The following PDE4D variants were observed in gnomAD, a reference collection of about 807,000 sequenced individuals.
PDE4D encodes the protein 3',5'-cyclic-AMP phosphodiesterase 4D.
PDE4D carries 24 observed loss-of-function variants against 87.4 expected under a neutral mutation model. The observed-to-expected ratio is 0.27, with a 90% CI of 0.20 to 0.39. PDE4D has a LOEUF of 0.39. Among genes scored for constraint, PDE4D ranks in the 10% least tolerant of loss-of-function variants. The pLI is 1.00. For synonymous variants in PDE4D, 384 were observed against 383.2 expected (o/e 1.00, Z -0.02); for missense variants, 714 against 1,041.0 (o/e 0.69, Z 4.32).
intron 1 of PDE4D, among the ~76,000 whole-genome samples, chr5:59,276,877 A>T (rs940356654): frequency 6.6e-6 from 1 of 152,108 alleles, no homozygotes; most frequent in Non-Finnish European, 1.5e-5. Flanking sequence ...CTATTACAGT[A>T]GATATAATCT....
chr5:59,547,548 T>A (rs902334483), intron 1 of PDE4D, among the ~76,000 whole-genome samples: 1 of 152,188 alleles, frequency 6.6e-6, no homozygotes, highest in African/African-American at 2.4e-5. Flanking sequence ...TTTTGACAGT[T>A]TTATCTCAGA....
At chr5:59,035,012 G>A (rs1045092744) in intron 6 of PDE4D, among the ~76,000 whole-genome samples, 5 of 152,222 alleles carry the variant, frequency 3.3e-5, no homozygotes, top group East Asian at 1.9e-4. Flanking sequence ...AGAGGATAAC[G>A]TTACAGGGTT....
chr5:59,638,572 C>T (rs1045265886), intron 1 of PDE4D, among the ~76,000 whole-genome samples: 22 of 152,120 alleles, frequency 1.4e-4, no homozygotes, highest in African/African-American at 4.8e-4. Context: ...GAGAGAGATA[C>T]GGAGCTTAAC....
intron 1 of PDE4D, among the ~76,000 whole-genome samples, chr5:59,498,120 T>G (rs1322044439): frequency 2.0e-5 from 3 of 151,660 alleles, no homozygotes; most frequent in African/African-American, 7.3e-5. Context: ...AGATAAGCAA[T>G]TGCTAAAAGA....
intron 1 of PDE4D, among the ~76,000 whole-genome samples, chr5:60,311,018 C>T (rs1242237200): frequency 2.9e-5 from 4 of 139,696 alleles, no homozygotes; most frequent in African/African-American, 5.4e-5. Flanking sequence ...TAAAATAAGT[C>T]TTTTTTTTTT....
chr5:59,502,462 T>C (rs893268972), intron 1 of PDE4D, among the ~76,000 whole-genome samples: 5 of 152,160 alleles, frequency 3.3e-5, no homozygotes, highest in Non-Finnish European at 5.9e-5. Flanking sequence ...TAGGAATTTC[T>C]TCCATATTCT....
At chr5:59,582,940 T>C (rs294495) in intron 1 of PDE4D, among the ~76,000 whole-genome samples, 120,708 of 152,098 alleles carry the variant, frequency 0.79, 48,014 homozygotes, top group South Asian at 0.89. Flanking sequence ...TCCCAAATCT[T>C]CCTCTGGTGT....
chr5:60,097,289 T>TGTGTGTGTGTGTGTGTGTGTGTC, intron 2 of PDE4D, among the ~76,000 whole-genome samples: 1 of 111,410 alleles, frequency 9.0e-6, no homozygotes, highest in South Asian at 3.3e-4. Flanking sequence ...GTGTGTGTGT[T>TGTGTGTGTGTGTGTGTGTGTGTC]TAACAAATAA....
Position 59,623,500 on chromosome 5 carries a change from T to G in PDE4D, c.455+269668A>C, listed in dbSNP as rs139361079. On this transcript the variant is annotated intron_variant, in intron 1 of 14. Transcript: ENST00000340635. ...TGCATCCCAGTGCTTGGAGCTCTGT[T>G]GTTCTGTTCCATCTCCGAGGCTTGA... Among the ~76,000 whole-genome samples, 578 of 152,322 alleles carry G rather than the reference T, an allele frequency of 3.8e-3. 6 individuals carry two copies. Among genetic ancestry groups the G allele is most frequent in the African/African-American group, 0.012 (513 of 41,574 alleles).
intron 2 of PDE4D, among the ~76,000 whole-genome samples, chr5:60,084,815 TG>T (rs1774355608): frequency 6.6e-6 from 1 of 152,180 alleles, no homozygotes. Context: ...ATTACTACTT[TG>T]AACTCCCCTA....
intron 1 of PDE4D, among the ~76,000 whole-genome samples, chr5:60,199,826 T>C (rs1302003249): frequency 6.6e-6 from 1 of 151,756 alleles, no homozygotes; most frequent in Non-Finnish European, 1.5e-5. Context: ...AAGATATTGT[T>C]ACAGATTATC....
At chr5:59,772,597 CT>C (rs1437813944) in intron 1 of PDE4D, among the ~76,000 whole-genome samples, 1 of 152,078 alleles carries the variant, frequency 6.6e-6, no homozygotes, top group Non-Finnish European at 1.5e-5. Context: ...AAAAAGTGTG[CT>C]TTTGTCTAGG....
At chr5:59,566,488 A>G (rs1820901294) in intron 1 of PDE4D, among the ~76,000 whole-genome samples, 1 of 150,494 alleles carries the variant, frequency 6.6e-6, no homozygotes, top group South Asian at 2.1e-4. Flanking sequence ...AGATTTTTGA[A>G]CCCTGTGTGT....
At chr5:59,883,802 T>A (rs370104545) in intron 1 of PDE4D, among the ~76,000 whole-genome samples, 1 of 152,200 alleles carries the variant, frequency 6.6e-6, no homozygotes, top group African/African-American at 2.4e-5. Flanking sequence ...TAGCAATTAC[T>A]CAGGAATTAA....
chr5:59,561,672 G>A (rs1475175760), intron 1 of PDE4D, among the ~76,000 whole-genome samples: 5 of 152,152 alleles, frequency 3.3e-5, no homozygotes. Flanking sequence ...GCTCACGCCT[G>A]TAATTCCAGC....
intron 1 of PDE4D, among the ~76,000 whole-genome samples, chr5:59,413,673 C>T (rs185057221): frequency 2.0e-5 from 3 of 152,062 alleles, no homozygotes; most frequent in East Asian, 1.9e-4. Flanking sequence ...ATGTGATATG[C>T]GGGAAATAAT....
intron 1 of PDE4D, among the ~76,000 whole-genome samples, chr5:59,566,103 G>A (rs918480473): frequency 2.6e-5 from 4 of 152,186 alleles, no homozygotes; most frequent in African/African-American, 9.7e-5. Flanking sequence ...ATTAGGAAAT[G>A]AAAGTGTTAG....
At chr5:59,193,808 T>C (rs1390023736) in intron 2 of PDE4D, 4 of 984,926 alleles carry the variant, frequency 4.1e-6, no homozygotes, top group East Asian at 1.1e-4. Context: ...GGATATGCAA[T>C]AGTAGAAATG....
chr5:59,893,051 G>A (rs1015115162), intron 1 of PDE4D, 117 bp downstream of exon 1: 1 of 1,067,378 alleles, frequency 9.4e-7, no homozygotes, highest in African/African-American at 1.6e-5. Context: ...CCAATTTCCA[G>A]ACTAGCATTT....
Sources: gnomAD v4.1 joint callset for allele counts (sites outside exome capture counted in the v4.1 genomes callset) on GRCh38, gnomAD v4.1.1 for gene constraint, MANE v1.5 for transcripts, NCBI Gene and HGNC (gene_info 2026-07-23, HGNC 2026-07-21) for gene names.